SLIT3: variants seen among roughly 807,000 people sequenced by gnomAD.
SLIT3 encodes the protein slit guidance ligand 3.
In SLIT3, 68 loss-of-function variants were observed where a neutral mutation model predicts 184.0. The ratio of observed to expected loss-of-function variants is 0.37; its 90% CI spans 0.30 to 0.45. The LOEUF (loss-of-function observed/expected upper bound fraction) is 0.45. Ranked by LOEUF, SLIT3 falls within the 20% of genes least tolerant of loss-of-function variation. SLIT3 has a pLI of 1.00. For synonymous variants in SLIT3, 831 were observed against 828.6 expected (o/e 1.00, Z -0.05); for missense variants, 1,707 against 2,026.0 (o/e 0.84, Z 3.02).
At chr5:168,808,453 A>C (rs1282897349) in intron 8 of SLIT3, among the ~76,000 whole-genome samples, 1 of 152,200 alleles carries the variant, frequency 6.6e-6, no homozygotes, top group South Asian at 2.1e-4. Context: ...GGAAAATAAC[A>C]ATACTTATTT....
At chr5:169,245,084 C>T (rs1765541910) in intron 2 of SLIT3, among the ~76,000 whole-genome samples, 1 of 152,176 alleles carries the variant, frequency 6.6e-6, no homozygotes, top group Admixed American at 6.5e-5. Context: ...GTAAAAGCTG[C>T]TCTTTATAAA....
Position 168,692,645 on chromosome 5 carries a change from C to A in SLIT3, c.3138G>T (p.Gln1046His). 6.2e-7 allele frequency: 1 copy of A among 1,614,070 alleles called. No homozygotes were observed. The highest frequency in any genetic ancestry group is 8.5e-7 in the Non-Finnish European group (1 of 1,179,962). ...CCAGGGGGATGCACTTGGCCTCATG[C>A]TGACAGAGGTTCAGCTCAGGCACAC... ...DHCVPELNLC[Q>H]HEAKCIPLDK... is the part of the protein sequence containing the mutation. Residue 1046 changes from glutamine (Q) to histidine (H), a missense_variant, in exon 29 of 36, where the codon CAG (glutamine) becomes CAT (histidine). This residue lies in a region of SLIT3 where 1,307 missense variants were observed against 1,511.6 expected (regional missense o/e 0.86). Coordinates refer to ENST00000519560, the MANE Select transcript of SLIT3 (RefSeq NM_003062.4).
At chr5:168,737,306 T>C (rs1301432255) in intron 20 of SLIT3, among the ~76,000 whole-genome samples, 2 of 152,140 alleles carry the variant, frequency 1.3e-5, no homozygotes, top group African/African-American at 4.8e-5. Context: ...ACCCACACAG[T>C]GCCAGGCCAG....
At chr5:169,008,063 A>G (rs1178383819) in intron 4 of SLIT3, among the ~76,000 whole-genome samples, 1 of 152,212 alleles carries the variant, frequency 6.6e-6, no homozygotes, top group Non-Finnish European at 1.5e-5. Context: ...ATGATGTAAG[A>G]TAGACTCCCA....
intron 1 of SLIT3, among the ~76,000 whole-genome samples, chr5:169,287,013 G>A (rs546663322): frequency 6.6e-6 from 1 of 152,308 alleles, no homozygotes; most frequent in Admixed American, 6.5e-5. Flanking sequence ...TGTACAAGGA[G>A]GGCACACGGC....
intron 4 of SLIT3, among the ~76,000 whole-genome samples, chr5:169,126,493 C>T (rs556709158): frequency 6.6e-6 from 1 of 152,340 alleles, no homozygotes; most frequent in Admixed American, 6.5e-5. Context: ...GTCTTTGATT[C>T]ATAGTCAAGG....
intron 4 of SLIT3, among the ~76,000 whole-genome samples, chr5:168,954,743 A>G (rs917761928): frequency 1.3e-5 from 2 of 151,940 alleles, no homozygotes. Context: ...CAGGAGGGGG[A>G]AGTGGCTGGC....
intron 28 of SLIT3, among the ~76,000 whole-genome samples, chr5:168,693,426 G>C (rs193074496): frequency 1.2e-3 from 178 of 152,274 alleles, no homozygotes; most frequent in Middle Eastern, 0.01. Flanking sequence ...AATACCTAAC[G>C]GTCATAAACA....
intron 3 of SLIT3, among the ~76,000 whole-genome samples, chr5:169,233,949 T>C (rs943142827): frequency 2.6e-5 from 4 of 152,252 alleles, no homozygotes; most frequent in South Asian, 4.1e-4. Context: ...ACTTCGATGT[T>C]TGCTGTAGGT....
At chr5:168,705,778 G>C (rs1049781588) in intron 26 of SLIT3, among the ~76,000 whole-genome samples, 4 of 152,190 alleles carry the variant, frequency 2.6e-5, no homozygotes, top group African/African-American at 7.2e-5. Flanking sequence ...GTCAAGTGTA[G>C]CTGGAAGAAG....
Position 169,159,507 on chromosome 5 carries a change from A to G in SLIT3, c.413+33972T>C, listed in dbSNP as rs529888855. ...AAGCATGACCCAGGCCAGGCGCGGT[A>G]GCTCACGCCTGTAATCCCAGCACTT... On this transcript the variant is annotated intron_variant, in intron 4 of 35. Transcript: ENST00000519560. 2.5e-4 allele frequency among the ~76,000 whole-genome samples: 34 copies of G among 136,206 alleles called. No homozygotes were observed. In the South Asian group the frequency reaches 2.5e-3, roughly 10 times the overall value. 89.4% of individuals were successfully genotyped at this position (136,206 alleles called of 152,430 possible). A position where few individuals can be genotyped will look rare whatever the true frequency, so the allele number is the denominator to read the frequency against.
chr5:169,164,543 T>A (rs907407286), intron 4 of SLIT3, among the ~76,000 whole-genome samples: 3 of 152,236 alleles, frequency 2.0e-5, no homozygotes, highest in Non-Finnish European at 2.9e-5. Flanking sequence ...CTTGGCCTTC[T>A]ACATTTTCCC....
intron 3 of SLIT3, among the ~76,000 whole-genome samples, chr5:169,224,598 G>A (rs1241485322): frequency 6.6e-6 from 1 of 152,044 alleles, no homozygotes; most frequent in Admixed American, 6.6e-5. Flanking sequence ...GAACTCCTGA[G>A]CTCAAGTGAT....
At chr5:169,264,930 C>T (rs1479867312) in intron 1 of SLIT3, among the ~76,000 whole-genome samples, 1 of 152,190 alleles carries the variant, frequency 6.6e-6, no homozygotes, top group African/African-American at 2.4e-5. Context: ...CTTGGCAACA[C>T]TCTCGCATAT....
chr5:169,058,861 T>C, intron 4 of SLIT3, among the ~76,000 whole-genome samples: 1 of 152,182 alleles, frequency 6.6e-6, no homozygotes, highest in East Asian at 1.9e-4. Flanking sequence ...AATGCATCTC[T>C]CAGGAGAAGG....
At chr5:169,080,874 C>T (rs1450862515) in intron 4 of SLIT3, among the ~76,000 whole-genome samples, 2 of 152,098 alleles carry the variant, frequency 1.3e-5, no homozygotes, top group African/African-American at 4.8e-5. Flanking sequence ...TTGTGCTTGG[C>T]TTCTCTGAAC....
chr5:168,746,060 G>T (rs1763789906), intron 20 of SLIT3, among the ~76,000 whole-genome samples: 2 of 152,300 alleles, frequency 1.3e-5, no homozygotes, highest in South Asian at 4.1e-4. Flanking sequence ...ATAGACTACG[G>T]TATAGTATAA....
chr5:168,935,137 C>CAAA (rs369026421), intron 4 of SLIT3, among the ~76,000 whole-genome samples: 9 of 99,432 alleles, frequency 9.1e-5, no homozygotes, highest in African/African-American at 1.9e-4. Context: ...GACTCCGTCT[C>CAAA]AAAAAAAAAA....
In SLIT3 at chr5:169,031,896, G is replaced by A. The variant is rs919183898; in HGVS notation, c.414-148560C>T. Among the ~76,000 whole-genome samples the A allele has an allele frequency of 1.3e-4, 20 of 152,332 alleles. No individual in the cohort carries two copies. In the East Asian group the frequency reaches 1.5e-3, roughly 12 times the overall value. On this transcript the variant is annotated intron_variant, in intron 4 of 35. Transcript: ENST00000519560. ...GTTTTCCTTTGTTACACAGTTAGAG[G>A]TGCCCTTGAGGGATTTTTTAATTGA...
Sources: gnomAD v4.1 joint callset for allele counts (sites outside exome capture counted in the v4.1 genomes callset) on GRCh38, gnomAD v4.1.1 for gene constraint, gnomAD v4.1.1 regional missense constraint, MANE v1.5 for transcripts, NCBI Gene and HGNC (gene_info 2026-07-23, HGNC 2026-07-21) for gene names.